Variants in ADAM28 observed in about 807,000 individuals in gnomAD.
ADAM28 encodes the protein disintegrin and metalloproteinase domain-containing protein 28.
ADAM28 carries 105 observed loss-of-function variants against 101.2 expected under a neutral mutation model. The ratio of observed to expected loss-of-function variants is 1.04; its 90% CI spans 0.89 to 1.22. ADAM28 has a LOEUF of 1.22. Among genes scored for constraint, ADAM28 ranks in the 50% most tolerant of loss-of-function variants. ADAM28 has a pLI of 0.00. For missense variants in ADAM28, 1,028 were observed against 945.4 expected, an observed-to-expected ratio of 1.09 and a Z score of -1.15; for synonymous variants, 322 against 310.6, an observed-to-expected ratio of 1.04 and a Z score of -0.39.
At chr8:24,307,278 G>A (rs1809828264) in intron 2 of ADAM28, among the ~76,000 whole-genome samples, 4 of 152,164 alleles carry the variant, frequency 2.6e-5, no homozygotes, top group Non-Finnish European at 5.9e-5. Flanking sequence ...TCAAGACAGT[G>A]AACAGATGGA....
intron 8 of ADAM28, chr8:24,321,596 G>A: frequency 2.6e-6 from 1 of 383,616 alleles, no homozygotes; most frequent in East Asian, 5.9e-5. Flanking sequence ...AATCCCAACA[G>A]AAAGCTGGTC....
chr8:24,294,717 A>G (rs1807733309), intron 1 of ADAM28, among the ~76,000 whole-genome samples: 1 of 152,166 alleles, frequency 6.6e-6, no homozygotes, highest in South Asian at 2.1e-4. Context: ...TTTTTTATTT[A>G]TAAGGTACTG....
intron 9 of ADAM28, among the ~76,000 whole-genome samples, chr8:24,325,887 A>AAAAAAAAAAAAAAC (rs1812521043): frequency 9.6e-5 from 13 of 135,916 alleles, no homozygotes; most frequent in East Asian, 2.4e-4. Context: ...AAAAAAAAAA[A>AAAAAAAAAAAAAAC]AAAAAAAAAA....
intron 6 of ADAM28, among the ~76,000 whole-genome samples, chr8:24,318,324 G>A (rs1393324231): frequency 6.6e-6 from 1 of 151,958 alleles, no homozygotes; most frequent in Non-Finnish European, 1.5e-5. Context: ...CCTCAGGAGT[G>A]CTACTCCTCA....
At chr8:24,321,583 C>A in intron 8 of ADAM28, 3 of 383,280 alleles carry the variant, frequency 7.8e-6, no homozygotes, top group Non-Finnish European at 4.9e-6. Flanking sequence ...ATGCTGAAGA[C>A]CAAATCCCAA....
At chr8:24,334,170 A>G (rs973664581) in intron 13 of ADAM28, among the ~76,000 whole-genome samples, 7 of 152,234 alleles carry the variant, frequency 4.6e-5, no homozygotes, top group African/African-American at 1.4e-4. Flanking sequence ...AATGATATAC[A>G]TATATGAAAC....
chr8:24,339,055 A>G (rs942490354), intron 14 of ADAM28, among the ~76,000 whole-genome samples: 1 of 152,116 alleles, frequency 6.6e-6, no homozygotes, highest in African/African-American at 2.4e-5. Flanking sequence ...TACAGATGAG[A>G]AAACTGAGGG....
At chr8:24,331,006 T>C in intron 11 of ADAM28, 144 bp from the exon 12 acceptor site, 4 of 716,568 alleles carry the variant, frequency 5.6e-6, no homozygotes, top group Non-Finnish European at 8.8e-6. Context: ...GGCATGCAAA[T>C]GAGCTCACGA....
chr8:24,313,791 CT>C (rs1416639977), intron 6 of ADAM28, among the ~76,000 whole-genome samples: 1 of 145,642 alleles, frequency 6.9e-6, no homozygotes, highest in Non-Finnish European at 1.5e-5. Flanking sequence ...GAGTTTCACT[CT>C]TGTTGCCTGG....
Position 24,357,262 on chromosome 8 carries a change from G to C in ADAM28, c.*2858G>C, listed in dbSNP as rs1415598504. The C allele has an allele frequency of 6.6e-6, 1 of 152,166 alleles. No individual in the cohort carries two copies. Among genetic ancestry groups the C allele is most frequent in the Admixed American group, 6.5e-5 (1 of 15,274 alleles). 9.4% of individuals were successfully genotyped at this position (152,166 alleles called of 1,614,324 possible). On this transcript the variant is annotated 3_prime_UTR_variant, in exon 23 of 23. Transcript: ENST00000265769. ...TAATTAATATGTGTTGTTTAAAGTT[G>C]TTATGGTTTGGAGATATTTGTTATG...
At chr8:24,329,957 G>T (rs1813149575) in intron 10 of ADAM28, 28 bp from the exon 11 acceptor site, 1 of 1,593,108 alleles carries the variant, frequency 6.3e-7, no homozygotes, top group South Asian at 1.1e-5. Context: ...GAAAATCAGA[G>T]AATCTTTTTC....
intron 1 of ADAM28, among the ~76,000 whole-genome samples, chr8:24,294,822 A>T (rs1163277456): frequency 6.6e-6 from 1 of 152,152 alleles, no homozygotes; most frequent in Non-Finnish European, 1.5e-5. Context: ...TTGAAAGGAG[A>T]AAAATACTAC....
intron 2 of ADAM28, chr8:24,308,610 C>CT (rs1810024312): frequency 2.2e-6 from 1 of 456,076 alleles, no homozygotes; most frequent in Non-Finnish European, 4.4e-6. Flanking sequence ...TTCTGCATAA[C>CT]TTTTATTTTC....
At chr8:24,297,242 G>A (rs142895878) in intron 1 of ADAM28, among the ~76,000 whole-genome samples, 3 of 151,764 alleles carry the variant, frequency 2.0e-5, no homozygotes, top group African/African-American at 7.2e-5. Context: ...CCAAAAAGTT[G>A]GAAATAAATT....
At chr8:24,308,495 G>C in intron 2 of ADAM28, 1 of 376,688 alleles carries the variant, frequency 2.7e-6, no homozygotes, top group Non-Finnish European at 5.3e-6. Context: ...ACAGGAAGCA[G>C]ATATCTGGAA....
intron 17 of ADAM28, 109 bp from the exon 18 acceptor site, chr8:24,343,397 T>C (rs1252358687): frequency 1.7e-6 from 2 of 1,179,252 alleles, no homozygotes; most frequent in African/African-American, 1.5e-5. Flanking sequence ...GATGGAAGCC[T>C]GGAGACTGGG....
At chr8:24,330,260 G>A in intron 11 of ADAM28, 145 bp downstream of exon 11, 2 of 934,886 alleles carry the variant, frequency 2.1e-6, no homozygotes, top group Non-Finnish European at 3.1e-6. Flanking sequence ...CTCATCTATG[G>A]GTAATATTTT....
At chr8:24,311,906 G>A (rs1032792077) in intron 5 of ADAM28, among the ~76,000 whole-genome samples, 5 of 151,886 alleles carry the variant, frequency 3.3e-5, no homozygotes, top group Non-Finnish European at 7.4e-5. Flanking sequence ...ACCTGGCTAG[G>A]TTTTGTATTT....
intron 10 of ADAM28, among the ~76,000 whole-genome samples, chr8:24,328,435 T>G (rs1812912824): frequency 6.6e-6 from 1 of 151,898 alleles, no homozygotes; most frequent in African/African-American, 2.4e-5. Flanking sequence ...GAGTCTGGGT[T>G]TGTGATAGGC....
Sources: allele counts gnomAD v4.1 joint callset (sites outside exome capture counted in the v4.1 genomes callset), GRCh38; gene constraint gnomAD v4.1.1; transcripts MANE v1.5; gene names NCBI Gene and HGNC (gene_info 2026-07-23, HGNC 2026-07-21).